Variants in PKD2 observed in about 807,000 individuals in gnomAD.
The protein encoded by PKD2 is polycystin-2.
A neutral mutation model predicts 105.9 loss-of-function variants in PKD2; 48 were observed. The ratio of observed to expected loss-of-function variants is 0.45; its 90% CI spans 0.36 to 0.58. PKD2 has a LOEUF of 0.58. PKD2 is among the 20% of genes least tolerant of loss of function. The probability of loss-of-function intolerance (pLI) is 0.00; values close to 1 mark genes in which losing one functional copy is unlikely to be tolerated. For missense variants in PKD2, 1,078 were observed against 1,255.3 expected, an observed-to-expected ratio of 0.86 and a Z score of 2.13; for synonymous variants, 464 against 481.1, an observed-to-expected ratio of 0.96 and a Z score of 0.46.
chr4:88,037,002 G>A (rs192080579), intron 3 of PKD2, among the ~76,000 whole-genome samples: 35 of 152,318 alleles, frequency 2.3e-4, no homozygotes, highest in African/African-American at 7.9e-4. Context: ...GCCAAGGCAG[G>A]AGGATTGCTT....
In PKD2 at chr4:88,061,966, C is replaced by A; in HGVS notation, c.2080C>A (p.Gln694Lys). Residue 694 changes from glutamine (Q) to lysine (K), a missense_variant, in exon 10 of 15, where the codon CAG (glutamine) becomes AAG (lysine). This residue lies in a region of PKD2 where 868 missense variants were observed against 1,067.3 expected (regional missense o/e 0.81). Coordinates refer to ENST00000237596, the MANE Select transcript of PKD2 (RefSeq NM_000297.4). ...YSEVKSDLAQ[Q>K]KAEMELSDLI... is the part of the protein sequence containing the mutation. ...TGAAGTGAAATCTGACTTGGCACAG[C>A]AGAAAGCTGAAATGGAACTCTCAGA... 6.3e-7 allele frequency: 1 copy of A among 1,577,536 alleles called. No homozygotes were observed. The highest frequency in any genetic ancestry group is 8.7e-7 in the Non-Finnish European group (1 of 1,147,312).
At chr4:88,047,848 AAAAT>A (rs1271915511) in intron 6 of PKD2, among the ~76,000 whole-genome samples, 1 of 152,134 alleles carries the variant, frequency 6.6e-6, no homozygotes, top group Non-Finnish European at 1.5e-5. Flanking sequence ...ATAAAAATAA[AAAAT>A]AAATCAAAGG....
intron 4 of PKD2, among the ~76,000 whole-genome samples, chr4:88,039,115 CAAG>C (rs1727454759): frequency 6.6e-6 from 1 of 152,122 alleles, no homozygotes; most frequent in Non-Finnish European, 1.5e-5. Flanking sequence ...TATAAAGAAA[CAAG>C]AAGACCTCCA....
chr4:88,063,283 G>A (rs1443736351), intron 10 of PKD2, among the ~76,000 whole-genome samples: 1 of 152,222 alleles, frequency 6.6e-6, no homozygotes, highest in Non-Finnish European at 1.5e-5. Flanking sequence ...AGTGGCTCAC[G>A]CATGTTGGGA....
Position 88,007,786 on chromosome 4 carries a change from C to T in PKD2, c.53C>T (p.Pro18Leu). The T allele has an allele frequency of 8.6e-7, 1 of 1,159,212 alleles. No individual in the cohort carries two copies. The allele number at this position is 1,159,212 out of a possible 1,614,324, so 71.8% of individuals were successfully genotyped here. A position where few individuals can be genotyped will look rare whatever the true frequency, so the allele number is the denominator to read the frequency against. ...QPQQPGDAKR[P>L]PAPRAPDPGR... ...CAGCAGCCCGGGGACGCCAAGCGGC[C>T]GCCCGCGCCCCGCGCGCCGGACCCG... Residue 18 changes from proline (P) to leucine (L), a missense_variant, in exon 1 of 15, where the codon CCG becomes CTG. Pro to Leu is a moderately conservative substitution (Grantham distance 98). This residue lies in a region of PKD2 where 210 missense variants were observed against 187.9 expected (regional missense o/e 1.12). Transcript: ENST00000237596.
At chr4:88,066,325 G>A (rs191411600) in intron 12 of PKD2, among the ~76,000 whole-genome samples, 4 of 151,368 alleles carry the variant, frequency 2.6e-5, no homozygotes, top group Admixed American at 2.6e-4. Flanking sequence ...AAATTATTCT[G>A]GTTAGTTAGT....
At chr4:88,054,889 C>T (rs1006040545) in intron 7 of PKD2, among the ~76,000 whole-genome samples, 3 of 151,958 alleles carry the variant, frequency 2.0e-5, no homozygotes, top group Admixed American at 1.3e-4. Context: ...CTCCTGACCT[C>T]GTGATCCACC....
chr4:88,036,133 C>G, intron 2 of PKD2, 87 bp from the exon 3 acceptor site: 1 of 1,610,534 alleles, frequency 6.2e-7, no homozygotes, highest in Non-Finnish European at 8.5e-7. Context: ...TGTTTATCCA[C>G]AGGAACAATC....
intron 5 of PKD2, among the ~76,000 whole-genome samples, chr4:88,044,548 G>A (rs1300455260): frequency 6.6e-6 from 1 of 152,150 alleles, no homozygotes; most frequent in Non-Finnish European, 1.5e-5. Flanking sequence ...CTTAAGACCA[G>A]AATGTTTGAG....
At chr4:88,010,732 A>G (rs543835619) in intron 1 of PKD2, among the ~76,000 whole-genome samples, 289 of 152,354 alleles carry the variant, frequency 1.9e-3, no homozygotes, top group African/African-American at 6.4e-3. Context: ...CTAGCTTCCA[A>G]GGTCCTTTCT....
intron 1 of PKD2, among the ~76,000 whole-genome samples, chr4:88,017,238 A>G (rs887843585): frequency 2.0e-5 from 3 of 152,084 alleles, no homozygotes; most frequent in African/African-American, 7.2e-5. Flanking sequence ...TCGTACCACT[A>G]CACTCCAGGC....
chr4:88,026,488 T>C (rs1282652250), intron 2 of PKD2, among the ~76,000 whole-genome samples: 1 of 152,224 alleles, frequency 6.6e-6, no homozygotes, highest in Non-Finnish European at 1.5e-5. Context: ...AAGAGATGGT[T>C]TGAAATTGGA....
chr4:88,040,087 C>G (rs1459745401), intron 4 of PKD2, among the ~76,000 whole-genome samples: 1 of 152,172 alleles, frequency 6.6e-6, no homozygotes, highest in Non-Finnish European at 1.5e-5. Flanking sequence ...CATCTGCCTT[C>G]ACAAAACAAC....
At chr4:88,025,330 C>T (rs1726916887) in intron 2 of PKD2, among the ~76,000 whole-genome samples, 1 of 151,774 alleles carries the variant, frequency 6.6e-6, no homozygotes, top group African/African-American at 2.4e-5. Flanking sequence ...TGGTGACGCA[C>T]ACCTGTAGTC....
chr4:88,014,169 G>A (rs1726482576), intron 1 of PKD2, among the ~76,000 whole-genome samples: 1 of 152,190 alleles, frequency 6.6e-6, no homozygotes, highest in South Asian at 2.1e-4. Context: ...TAAGAAGAGG[G>A]CCTATTCTAG....
At chr4:88,045,524 T>C (rs1727734506) in intron 5 of PKD2, among the ~76,000 whole-genome samples, 1 of 152,238 alleles carries the variant, frequency 6.6e-6, no homozygotes, top group African/African-American at 2.4e-5. Context: ...GAGATAGTGA[T>C]GGCTAGTAGC....
chr4:88,047,588 C>G (rs1727824237), intron 6 of PKD2, among the ~76,000 whole-genome samples: 1 of 152,018 alleles, frequency 6.6e-6, no homozygotes, highest in African/African-American at 2.4e-5. Flanking sequence ...GAAAAATCAT[C>G]CTGAAAATAT....
chr4:88,038,971 A>C (rs1727447073), intron 4 of PKD2, among the ~76,000 whole-genome samples: 1 of 152,112 alleles, frequency 6.6e-6, no homozygotes, highest in South Asian at 2.1e-4. Flanking sequence ...ATTTTGTTCA[A>C]ATGTTTGAGA....
chr4:88,008,049 G>C lies in PKD2; in HGVS notation c.316G>C (p.Glu106Gln). The C allele has an allele frequency of 6.6e-7, 1 of 1,521,742 alleles. No individual in the cohort carries two copies. The highest frequency in any genetic ancestry group is 8.8e-7 in the Non-Finnish European group (1 of 1,139,648). The allele number at this position is 1,521,742 out of a possible 1,614,324, so 94.3% of individuals were successfully genotyped here. A position where few individuals can be genotyped will look rare whatever the true frequency, so the allele number is the denominator to read the frequency against. The stretch of plus-strand genomic sequence containing the variant: ...GGAGGAGGAGGAGGAGGTGGAAGGG[G>C]AAGAAGGCGGAATGGTGGTGGAGAT... ...AEEEEEEVEGEEGGMVVEMDV... is the reference protein window; with the variant it reads ...AEEEEEEVEGQEGGMVVEMDV... The change falls in exon 1 of 15, where the codon GAA (glutamate) becomes CAA (glutamine). Residue 106 changes from glutamate (E) to glutamine (Q), a missense_variant. Coordinates refer to ENST00000237596, the MANE Select transcript of PKD2 (RefSeq NM_000297.4).
Sources: gnomAD v4.1 joint callset for allele counts (sites outside exome capture counted in the v4.1 genomes callset) on GRCh38, gnomAD v4.1.1 for gene constraint, gnomAD v4.1.1 regional missense constraint, MANE v1.5 for transcripts, NCBI Gene and HGNC (gene_info 2026-07-23, HGNC 2026-07-21) for gene names.